PTPN9: variants seen among roughly 807,000 people sequenced by gnomAD.
PTPN9 encodes protein tyrosine phosphatase non-receptor type 9.
Under a neutral mutation model 69.8 loss-of-function variants are expected in PTPN9, and 26 were observed. That is an observed-to-expected ratio of 0.37 (90% CI 0.27 to 0.52). PTPN9 has a LOEUF of 0.52. Among genes scored for constraint, PTPN9 ranks in the 20% least tolerant of loss-of-function variants. PTPN9 has a pLI of 0.91. For missense variants in PTPN9, 549 were observed against 740.3 expected (o/e 0.74, Z 3.00); for synonymous variants, 274 against 272.5 (o/e 1.01, Z -0.05).
intron 1 of PTPN9, among the ~76,000 whole-genome samples, chr15:75,559,712 A>G (rs1290935571): frequency 2.2e-5 from 3 of 139,182 alleles, no homozygotes; most frequent in Non-Finnish European, 4.5e-5. Flanking sequence ...TCCCTCCACT[A>G]TTGTCCTATG....
intron 5 of PTPN9, among the ~76,000 whole-genome samples, chr15:75,516,399 A>C (rs8027365): frequency 0.36 from 53,424 of 146,526 alleles, 10,629 homozygotes; most frequent in African/African-American, 0.54. Context: ...CGCCTCCCGG[A>C]TTCACACCAT....
chr15:75,560,443 T>C (rs4430707), intron 1 of PTPN9, among the ~76,000 whole-genome samples: 90,942 of 152,032 alleles, frequency 0.6, 28,527 homozygotes, highest in African/African-American at 0.8. Context: ...AGGCAAATGG[T>C]CATTCCCAAA....
At chr15:75,486,781 G>GTTTTT (rs34430924) in intron 8 of PTPN9, among the ~76,000 whole-genome samples, 3 of 118,524 alleles carry the variant, frequency 2.5e-5, no homozygotes, top group African/African-American at 3.4e-5. Context: ...CATATGTGGT[G>GTTTTT]TTTTTTTTTT....
intron 1 of PTPN9, among the ~76,000 whole-genome samples, chr15:75,550,883 C>T (rs1417848893): frequency 6.6e-6 from 1 of 151,910 alleles, no homozygotes; most frequent in East Asian, 1.9e-4. Context: ...TAGGCTCAAG[C>T]GATCTTCCTT....
intron 1 of PTPN9, among the ~76,000 whole-genome samples, chr15:75,533,480 C>T (rs529410458): frequency 7.4e-4 from 113 of 152,102 alleles, no homozygotes; most frequent in Non-Finnish European, 1.0e-3. Context: ...AGGCTGATCT[C>T]GAACTCCTGG....
chr15:75,506,608 C>T (rs932084791), intron 6 of PTPN9, among the ~76,000 whole-genome samples: 2 of 152,118 alleles, frequency 1.3e-5, no homozygotes, highest in African/African-American at 4.8e-5. Flanking sequence ...CTCCTGGGCT[C>T]AAGTGATCCT....
Position 75,490,259 on chromosome 15 carries a change from G to A in PTPN9, c.1011C>T (p.Pro337=). The change falls in exon 8 of 13, where the codon CCC becomes CCT. Residue 337 remains proline (P), a synonymous_variant. Transcript: ENST00000618819. ...GCTTCACTCTAGTTTGGTCCAGGCA[G>A]GGTACATCCCCATAACGGTTTTTCT... The part of the protein sequence containing the change: ...NLEKNRYGDV[P]CLDQTRVKLT... 2 of 1,613,810 alleles carry A rather than the reference G, an allele frequency of 1.2e-6. No individual in the cohort carries two copies. The highest frequency in any genetic ancestry group is 1.7e-6 in the Non-Finnish European group (2 of 1,179,728).
chr15:75,565,146 A>G (rs1245848586), intron 1 of PTPN9, among the ~76,000 whole-genome samples: 1 of 137,570 alleles, frequency 7.3e-6, no homozygotes, highest in East Asian at 2.2e-4. Context: ...AATAATAATA[A>G]TAATTTTTTA....
intron 1 of PTPN9, among the ~76,000 whole-genome samples, chr15:75,557,391 C>T (rs752163692): frequency 1.3e-5 from 2 of 151,622 alleles, no homozygotes; most frequent in African/African-American, 2.4e-5. Flanking sequence ...CACCATTGCA[C>T]TCCAGCCTGG....
intron 5 of PTPN9, 27 bp from the exon 6 acceptor site, chr15:75,509,054 A>G (rs2141313026): frequency 6.3e-7 from 1 of 1,575,264 alleles, no homozygotes. Context: ...TGAGGATTTA[A>G]GTGTAATGGA....
At chr15:75,574,982 C>T (rs1408343115) in intron 1 of PTPN9, among the ~76,000 whole-genome samples, 15 of 4,480 alleles carry the variant, frequency 3.3e-3, no homozygotes, top group Non-Finnish European at 4.9e-3. Flanking sequence ...AAAGAAATAT[C>T]TTTTTTTTTT....
At position 75,554,679 on chromosome 15, in the gene PTPN9, C is replaced by T. The variant is rs117085664; in HGVS notation, c.63+24035G>A. Among the ~76,000 whole-genome samples, 1,071 of 152,218 alleles carry T rather than the reference C, an allele frequency of 7.0e-3. 7 individuals carry two copies. Among genetic ancestry groups the T allele is most frequent in the Non-Finnish European group, 9.6e-3 (656 of 68,014 alleles). On this transcript the variant is annotated intron_variant, in intron 1 of 12. Transcript: ENST00000618819. ...GCCCTCAGATAAACTCAGGAACAAACGTATATATTCTCACAAAATGGTACA... is the reference window on the plus strand; with the variant it reads ...GCCCTCAGATAAACTCAGGAACAAATGTATATATTCTCACAAAATGGTACA...
chr15:75,545,794 C>T (rs1258176483), intron 1 of PTPN9, among the ~76,000 whole-genome samples: 3 of 152,068 alleles, frequency 2.0e-5, no homozygotes, highest in African/African-American at 7.2e-5. Flanking sequence ...ACTAAAAATA[C>T]AAAAATTAGC....
At chr15:75,523,405 T>C (rs1046955387) in intron 3 of PTPN9, among the ~76,000 whole-genome samples, 160 bp from the exon 4 acceptor site, 8 of 152,210 alleles carry the variant, frequency 5.3e-5, no homozygotes, top group African/African-American at 1.9e-4. Context: ...AGAGTGTTAA[T>C]ATCATCCTTT....
chr15:75,536,103 T>G (rs2074981274), intron 1 of PTPN9, among the ~76,000 whole-genome samples: 2 of 152,150 alleles, frequency 1.3e-5, no homozygotes, highest in Admixed American at 1.3e-4. Flanking sequence ...TATAAAACAA[T>G]GTAATAACAA....
chr15:75,544,212 C>T (rs928484694), intron 1 of PTPN9, among the ~76,000 whole-genome samples: 11 of 152,138 alleles, frequency 7.2e-5, no homozygotes, highest in Admixed American at 2.0e-4. Flanking sequence ...AGAAGAGAAA[C>T]GGAAAAAAAC....
chr15:75,468,455 G>C lies in PTPN9; in HGVS notation c.*314C>G, dbSNP rs2074546706. 8.7e-6 allele frequency: 2 copies of C among 229,130 alleles called. No homozygotes were observed. Among genetic ancestry groups the C allele is most frequent in the Non-Finnish European group, 1.7e-5 (2 of 115,256 alleles). 14.2% of individuals were successfully genotyped at this position (229,130 alleles called of 1,614,324 possible). ...AGAAAAAGAATGGCGGGAGAAAGGA[G>C]GAGGGAGGTTCCTTCCCCACTTACC... On this transcript the variant is annotated 3_prime_UTR_variant, in exon 13 of 13. Transcript: ENST00000618819.
chr15:75,561,623 T>TA (rs2075104265), intron 1 of PTPN9, among the ~76,000 whole-genome samples: 1 of 152,118 alleles, frequency 6.6e-6, no homozygotes. Context: ...ATTGCAACCT[T>TA]AAACTCCTGG....
intron 1 of PTPN9, among the ~76,000 whole-genome samples, chr15:75,543,149 T>G (rs1384849981): frequency 6.6e-6 from 1 of 151,922 alleles, no homozygotes; most frequent in African/African-American, 2.4e-5. Context: ...GTTTTCCAGT[T>G]TCATCCATGT....
Sources: allele counts gnomAD v4.1 joint callset (sites outside exome capture counted in the v4.1 genomes callset), GRCh38; gene constraint gnomAD v4.1.1; transcripts MANE v1.5; gene names NCBI Gene and HGNC (gene_info 2026-07-23, HGNC 2026-07-21).